Variants in COL6A5 observed in about 807,000 individuals in gnomAD.
The protein encoded by COL6A5 is collagen type VI alpha 5 chain, also known as collagen alpha-5(VI) chain.
In COL6A5, 48 loss-of-function variants were observed where a neutral mutation model predicts 65.6. The observed-to-expected ratio is 0.73, with a 90% CI of 0.58 to 0.93. The LOEUF is 0.93. COL6A5 is among the 40% of genes least tolerant of loss of function. The pLI is 0.00. For missense variants in COL6A5, 914 were observed against 928.3 expected (o/e 0.98, Z 0.20); for synonymous variants, 291 against 322.8 (o/e 0.90, Z 1.05).
chr3:130,376,484 C>T (rs557042304), exon 3 of COL6A5: 49 of 1,606,104 alleles, frequency 3.1e-5, no homozygotes, highest in South Asian at 1.7e-4. Flanking sequence ...AGTTCATTGG[C>T]GGGTCCCTGC....
intron 1 of COL6A5, among the ~76,000 whole-genome samples, chr3:130,353,933 A>G (rs1354624266): frequency 6.6e-6 from 1 of 152,036 alleles, no homozygotes; most frequent in African/African-American, 2.4e-5. Context: ...AATTAAAGAA[A>G]TGTGGAATTA....
intron 10 of COL6A5, among the ~76,000 whole-genome samples, chr3:130,399,519 T>C (rs569685327): frequency 6.6e-6 from 1 of 151,686 alleles, no homozygotes; most frequent in Non-Finnish European, 1.5e-5. Flanking sequence ...TACAGGAGCC[T>C]GCCACCACGC....
intron 5 of COL6A5, among the ~76,000 whole-genome samples, chr3:130,466,715 A>G (rs993943396): frequency 1.3e-4 from 20 of 151,988 alleles, no homozygotes; most frequent in Non-Finnish European, 2.1e-4. Context: ...TGATAAATGT[A>G]TAATTAAACT....
At chr3:130,354,333 C>T (rs1934840783) in intron 1 of COL6A5, among the ~76,000 whole-genome samples, 1 of 152,094 alleles carries the variant, frequency 6.6e-6, no homozygotes, top group Non-Finnish European at 1.5e-5. Context: ...TCTATAGCCA[C>T]ATTCTATATG....
At position 130,354,976 on chromosome 3, in the gene COL6A5, T is replaced by C. The variant is rs569102006; in HGVS notation, c.-29+8995T>C. Among the ~76,000 whole-genome samples, 17 of 152,312 alleles carry C rather than the reference T, an allele frequency of 1.1e-4. No individual in the cohort carries two copies. The East Asian group carries it at 3.3e-3, about 29-fold the overall frequency. On this transcript the variant is annotated intron_variant and NMD_transcript_variant, in intron 1 of 41. Coordinates refer to the COL6A5 transcript ENST00000312481. ...TAAAATATCTCATTAATAATTTTTATATTGGTTATACATAGAAATTGTAAT... is the reference window on the plus strand; with the variant it reads ...TAAAATATCTCATTAATAATTTTTACATTGGTTATACATAGAAATTGTAAT...
intron 25 of COL6A5, among the ~76,000 whole-genome samples, chr3:130,419,340 G>C (rs1204473397): frequency 6.6e-6 from 1 of 152,266 alleles, no homozygotes; most frequent in Admixed American, 6.5e-5. Context: ...CCTGCACTCT[G>C]TCCTAATGGC....
At position 130,399,061 on chromosome 3, in the gene COL6A5, G is replaced by A. The variant is rs182114043; in HGVS notation, c.3991+950G>A. Among the ~76,000 whole-genome samples the A allele has an allele frequency of 8.5e-5, 13 of 152,296 alleles. No individual in the cohort carries two copies. In the East Asian group the frequency reaches 1.7e-3, roughly 20 times the overall value. ...CCATGTCATAGCTTCAAACTGAGCC[G>A]GAAGCTAAATGCAGAAGTTGAGAGT... On this transcript the variant is annotated intron_variant and NMD_transcript_variant, in intron 10 of 41. Coordinates refer to the COL6A5 transcript ENST00000312481.
chr3:130,390,760 G>A (rs1033312096), intron 6 of COL6A5, among the ~76,000 whole-genome samples: 3 of 152,228 alleles, frequency 2.0e-5, no homozygotes, highest in African/African-American at 7.2e-5. Flanking sequence ...TATACAGTGA[G>A]CTCCTGAGCT....
chr3:130,376,261 T>A, exon 3 of COL6A5: 3 of 1,608,172 alleles, frequency 1.9e-6, no homozygotes, highest in South Asian at 2.2e-5. Context: ...TATGCAGATG[T>A]CGTGTTTCTG....
chr3:130,356,932 G>T (rs1268688765), intron 1 of COL6A5, among the ~76,000 whole-genome samples: 1 of 152,090 alleles, frequency 6.6e-6, no homozygotes, highest in African/African-American at 2.4e-5. Context: ...AATTCAACAA[G>T]TTAGGGGTAA....
chr3:130,474,473 T>A (rs1710038444), intron 7 of COL6A5, among the ~76,000 whole-genome samples: 1 of 151,976 alleles, frequency 6.6e-6, no homozygotes, highest in Admixed American at 6.6e-5. Flanking sequence ...ACAACCAACA[T>A]GCCAACCTCA....
At chr3:130,351,510 A>G (rs941208095) in intron 1 of COL6A5, among the ~76,000 whole-genome samples, 2 of 152,228 alleles carry the variant, frequency 1.3e-5, no homozygotes, top group African/African-American at 4.8e-5. Flanking sequence ...ATGAACAGAC[A>G]CTTCTTAAAA....
At chr3:130,475,294 A>G (rs553402659) in intron 7 of COL6A5, among the ~76,000 whole-genome samples, 85 of 152,088 alleles carry the variant, frequency 5.6e-4, no homozygotes, top group Admixed American at 1.5e-3. Flanking sequence ...TAAAAGCTAA[A>G]AAAAAAATTC....
intron 1 of COL6A5, among the ~76,000 whole-genome samples, chr3:130,367,955 T>A (rs1935401433): frequency 6.6e-6 from 1 of 152,218 alleles, no homozygotes; most frequent in African/African-American, 2.4e-5. Flanking sequence ...GAATGAAGTT[T>A]TTTCTAGCCA....
exon 7 of COL6A5, chr3:130,391,545 C>T: frequency 6.4e-7 from 1 of 1,551,644 alleles, no homozygotes; most frequent in Non-Finnish European, 8.7e-7. Flanking sequence ...GATGGGGAAT[C>T]CCATGACCAT....
At chr3:130,399,317 A>G (rs1471109983) in intron 10 of COL6A5, among the ~76,000 whole-genome samples, 5 of 151,282 alleles carry the variant, frequency 3.3e-5, no homozygotes, top group African/African-American at 1.2e-4. Flanking sequence ...ATGGCTTGGG[A>G]GCTTTGCAGA....
intron 3 of COL6A5, among the ~76,000 whole-genome samples, chr3:130,441,608 A>G (rs1358262641): frequency 6.6e-6 from 1 of 152,122 alleles, no homozygotes; most frequent in Non-Finnish European, 1.5e-5. Context: ...TCTATCACAG[A>G]TGGTTTGGAA....
chr3:130,352,843 G>GAGCC (rs1268459441), intron 1 of COL6A5, among the ~76,000 whole-genome samples: 1 of 152,208 alleles, frequency 6.6e-6, no homozygotes, highest in African/African-American at 2.4e-5. Flanking sequence ...GATGATTTAA[G>GAGCC]AGCCCATCTA....
chr3:130,468,720 T>C (rs1222222065), intron 5 of COL6A5, 75 bp from the exon 38 acceptor site: 8 of 959,758 alleles, frequency 8.3e-6, no homozygotes, highest in African/African-American at 1.6e-5. Context: ...TCATGCTGTG[T>C]ATTTGCCATC....
Sources: gnomAD v4.1 joint callset for allele counts (sites outside exome capture counted in the v4.1 genomes callset) on GRCh38, gnomAD v4.1.1 for gene constraint, MANE v1.5 for transcripts, NCBI Gene and HGNC (gene_info 2026-07-23, HGNC 2026-07-21) for gene names.